Variants in CSRNP3 observed in about 807,000 individuals in gnomAD.
CSRNP3 encodes the protein cysteine and serine rich nuclear protein 3.
In CSRNP3, 12 loss-of-function variants were observed where a neutral mutation model predicts 48.0. The observed-to-expected ratio is 0.25, with a 90% CI of 0.16 to 0.41. CSRNP3 has a LOEUF of 0.41. Ranked by LOEUF, CSRNP3 falls within the 10% of genes least tolerant of loss-of-function variation. CSRNP3 has a pLI of 1.00. For missense variants in CSRNP3, 580 were observed against 724.4 expected, an observed-to-expected ratio of 0.80 and a Z score of 2.29; for synonymous variants, 263 against 269.7, an observed-to-expected ratio of 0.98 and a Z score of 0.24.
intron 4 of CSRNP3, among the ~76,000 whole-genome samples, chr2:165,596,986 TCA>T (rs1297047300): frequency 2.0e-5 from 3 of 152,174 alleles, no homozygotes; most frequent in Non-Finnish European, 4.4e-5. Flanking sequence ...CAACTGAGGC[TCA>T]GAGAGGCTAA....
At chr2:165,658,678 A>C (rs180895297) in intron 5 of CSRNP3, among the ~76,000 whole-genome samples, 1 of 152,306 alleles carries the variant, frequency 6.6e-6, no homozygotes, top group East Asian at 1.9e-4. Flanking sequence ...CCTCACAATC[A>C]TGGCGGAGGG....
intron 3 of CSRNP3, among the ~76,000 whole-genome samples, chr2:165,579,820 T>A (rs768902740): frequency 2.0e-5 from 3 of 152,162 alleles, no homozygotes; most frequent in Non-Finnish European, 4.4e-5. Context: ...TCTACATTTT[T>A]ACTTAAAAAT....
intron 3 of CSRNP3, among the ~76,000 whole-genome samples, chr2:165,545,580 G>A (rs1685013999): frequency 6.6e-6 from 1 of 152,092 alleles, no homozygotes; most frequent in South Asian, 2.1e-4. Flanking sequence ...AGAGGTATCT[G>A]GGTTATTGTC....
intron 1 of CSRNP3, among the ~76,000 whole-genome samples, chr2:165,477,125 T>C (rs948869147): frequency 6.6e-6 from 1 of 152,044 alleles, no homozygotes; most frequent in Non-Finnish European, 1.5e-5. Flanking sequence ...AGAGCAAAGA[T>C]AGGACCTTCA....
At chr2:165,626,857 G>A (rs749963967) in intron 4 of CSRNP3, among the ~76,000 whole-genome samples, 1 of 152,054 alleles carries the variant, frequency 6.6e-6, no homozygotes, top group Non-Finnish European at 1.5e-5. Flanking sequence ...ATGGTTTTCC[G>A]TACCCTCAAT....
At chr2:165,477,465 A>AG (rs1683976966) in intron 1 of CSRNP3, among the ~76,000 whole-genome samples, 1 of 123,754 alleles carries the variant, frequency 8.1e-6, no homozygotes, top group African/African-American at 3.2e-5. Flanking sequence ...CTAAAAATAC[A>AG]AATATATATA....
intron 2 of CSRNP3, among the ~76,000 whole-genome samples, chr2:165,514,457 A>G (rs1684548581): frequency 6.6e-6 from 1 of 152,244 alleles, no homozygotes; most frequent in Admixed American, 6.5e-5. Flanking sequence ...TCCTCTACAA[A>G]GTTGCCTCAG....
intron 3 of CSRNP3, among the ~76,000 whole-genome samples, chr2:165,563,957 T>A (rs1429718652): frequency 6.6e-6 from 1 of 152,038 alleles, no homozygotes; most frequent in Non-Finnish European, 1.5e-5. Flanking sequence ...AACTAATTTA[T>A]CATCATGCAG....
rs141751377 is a variant in CSRNP3, at chr2:165,524,896, C to T, written c.-24+6935C>T. Reference sequence around the variant, plus strand: ...GGTTTGAATATGCTATAAATATCCACGTAGAAATTTGTGTGAGAACTGAAG... The same window carrying T: ...GGTTTGAATATGCTATAAATATCCATGTAGAAATTTGTGTGAGAACTGAAG... On this transcript the variant is annotated intron_variant, in intron 3 of 6. Coordinates refer to ENST00000651982, the MANE Select transcript of CSRNP3 (RefSeq NM_001172173.2). Among the ~76,000 whole-genome samples the T allele has an allele frequency of 2.0e-4, 31 of 152,256 alleles. No individual in the cohort carries two copies. In the East Asian group the frequency reaches 3.3e-3, roughly 16 times the overall value.
chr2:165,565,235 C>T (rs564547685), intron 3 of CSRNP3, among the ~76,000 whole-genome samples: 1 of 152,132 alleles, frequency 6.6e-6, no homozygotes, highest in South Asian at 2.1e-4. Context: ...GTTCTTAATA[C>T]CACATACTTG....
Position 165,679,409 on chromosome 2 carries a change from A to C in CSRNP3, c.1414A>C (p.Met472Leu). 2 of 1,613,114 alleles carry C rather than the reference A, an allele frequency of 1.2e-6. No individual in the cohort carries two copies. The highest frequency in any genetic ancestry group is 8.5e-7 in the Non-Finnish European group (1 of 1,179,586). Residue 472 changes from methionine to leucine, a missense_variant, in exon 7 of 7, where the codon ATG becomes CTG. Physicochemically the swap from Met to Leu is conservative, Grantham distance 15. Transcript: ENST00000651982. ...NGTLSLVPYT[M>L]TPEQFVDYAR... The stretch of plus-strand genomic sequence containing the variant: ...TACCCTTTCGCTGGTGCCTTACACC[A>C]TGACCCCGGAGCAATTCGTTGACTA...
intron 3 of CSRNP3, among the ~76,000 whole-genome samples, chr2:165,568,418 C>G (rs888325772): frequency 2.0e-5 from 3 of 152,032 alleles, no homozygotes; most frequent in African/African-American, 7.2e-5. Context: ...CTTCAAAGTC[C>G]CTCTTATTAT....
At chr2:165,512,173 G>A (rs957132986) in intron 2 of CSRNP3, among the ~76,000 whole-genome samples, 2 of 152,144 alleles carry the variant, frequency 1.3e-5, no homozygotes, top group African/African-American at 4.8e-5. Context: ...TTTATACCCT[G>A]TTGATCTTAT....
chr2:165,569,322 A>G, intron 3 of CSRNP3, among the ~76,000 whole-genome samples: 1 of 152,092 alleles, frequency 6.6e-6, no homozygotes, highest in East Asian at 1.9e-4. Context: ...AACACAGGTG[A>G]TGGTGTTAGT....
intron 5 of CSRNP3, among the ~76,000 whole-genome samples, chr2:165,673,635 A>G (rs1687367865): frequency 6.6e-6 from 1 of 152,112 alleles, no homozygotes; most frequent in Non-Finnish European, 1.5e-5. Context: ...AAAAATTTTG[A>G]TGTTTTTAAA....
At chr2:165,593,200 C>A (rs1218896622) in intron 3 of CSRNP3, among the ~76,000 whole-genome samples, 1 of 152,090 alleles carries the variant, frequency 6.6e-6, no homozygotes, top group Non-Finnish European at 1.5e-5. Flanking sequence ...GGAATTACAC[C>A]AGGAAAGGTC....
intron 1 of CSRNP3, among the ~76,000 whole-genome samples, chr2:165,485,722 A>C (rs1395749576): frequency 6.6e-6 from 1 of 152,204 alleles, no homozygotes; most frequent in Non-Finnish European, 1.5e-5. Flanking sequence ...TTAATAAATA[A>C]ATTCTTGAGA....
chr2:165,527,199 C>CTTTTTTTTTT (rs535826285), intron 3 of CSRNP3, among the ~76,000 whole-genome samples: 11 of 87,292 alleles, frequency 1.3e-4, no homozygotes, highest in Non-Finnish European at 2.1e-4. Context: ...GCTGTTTGTA[C>CTTTTTTTTTT]TTTTTTTTTT....
rs1687640087 is a variant in CSRNP3 at position 165,686,950 on chromosome 2, G to A, written c.*7197G>A. 6.6e-6 allele frequency: 1 copy of A among 152,040 alleles called. No homozygotes were observed. The highest frequency in any genetic ancestry group is 2.4e-5 in the African/African-American group (1 of 41,414). 9.4% of individuals were successfully genotyped at this position (152,040 alleles called of 1,614,324 possible). A position where few individuals can be genotyped will look rare whatever the true frequency, so the allele number is the denominator to read the frequency against. On this transcript the variant is annotated 3_prime_UTR_variant, in exon 7 of 7. Coordinates refer to ENST00000651982, the MANE Select transcript of CSRNP3 (RefSeq NM_001172173.2). Reference sequence around the variant, plus strand: ...CATATGGCTCATCGATCTACCACCAGGGAAGACTGTCACTTAGGCATGCCC... The same window carrying A: ...CATATGGCTCATCGATCTACCACCAAGGAAGACTGTCACTTAGGCATGCCC...
Sources: gnomAD v4.1 joint callset for allele counts (sites outside exome capture counted in the v4.1 genomes callset) on GRCh38, gnomAD v4.1.1 for gene constraint, MANE v1.5 for transcripts, NCBI Gene and HGNC (gene_info 2026-07-23, HGNC 2026-07-21) for gene names.